Variants in CADPS observed in about 807,000 individuals in gnomAD.
CADPS encodes the protein calcium-dependent secretion activator 1.
In CADPS, 57 loss-of-function variants were observed where a neutral mutation model predicts 167.3. That is an observed-to-expected ratio of 0.34 (90% CI 0.28 to 0.42). CADPS has a LOEUF of 0.42. Ranked by LOEUF, CADPS falls within the 20% of genes least tolerant of loss-of-function variation. CADPS has a pLI of 1.00. For synonymous variants in CADPS, 676 were observed against 635.3 expected, an observed-to-expected ratio of 1.06 and a Z score of -0.96; for missense variants, 1,414 against 1,738.1, an observed-to-expected ratio of 0.81 and a Z score of 3.32.
chr3:62,658,291 G>A (rs1349620429), intron 4 of CADPS, among the ~76,000 whole-genome samples: 1 of 152,132 alleles, frequency 6.6e-6, no homozygotes, highest in Non-Finnish European at 1.5e-5. Context: ...GAATTGCACA[G>A]CCAGTGTCTG....
Position 62,866,444 on chromosome 3 carries a change from G to C in CADPS, c.441+8145C>G, listed in dbSNP as rs112856394. On this transcript the variant is annotated intron_variant, in intron 1 of 29. Transcript: ENST00000383710. ...ATGTCAGGTACTGTTTTGGGAGATG[G>C]GAATCTTACAGTCTAGTGAGTGATA... Among the ~76,000 whole-genome samples, 774 of 152,008 alleles carry C rather than the reference G, an allele frequency of 5.1e-3. 7 individuals carry two copies. Among genetic ancestry groups the C allele is most frequent in the African/African-American group, 0.017 (726 of 41,506 alleles).
At chr3:62,828,254 G>A (rs1392434577) in intron 1 of CADPS, among the ~76,000 whole-genome samples, 1 of 152,168 alleles carries the variant, frequency 6.6e-6, no homozygotes, top group African/African-American at 2.4e-5. Context: ...TCTAAGTCGT[G>A]GAGCCAGGGC....
chr3:62,428,355 A>AAAAGG (rs1423288962), intron 28 of CADPS, among the ~76,000 whole-genome samples: 1 of 143,584 alleles, frequency 7.0e-6, no homozygotes, highest in Non-Finnish European at 1.5e-5. Context: ...TGGAACTATA[A>AAAAGG]AAAGGAAAGG....
intron 28 of CADPS, among the ~76,000 whole-genome samples, chr3:62,434,771 T>C (rs1243612480): frequency 1.3e-5 from 2 of 152,148 alleles, no homozygotes; most frequent in Admixed American, 1.3e-4. Context: ...TGACCAGCTA[T>C]TAATCCAAAT....
rs754951897 is a variant in CADPS at position 62,754,328 on chromosome 3, C to T, written c.556-555G>A. ...CTGGGACTAAGTGCATGCCACCACA[C>T]CTGGCTATTTATTTATTTATTTATT... On this transcript the variant is annotated intron_variant, in intron 2 of 29. Coordinates refer to ENST00000383710, the MANE Select transcript of CADPS (RefSeq NM_003716.4). Among the ~76,000 whole-genome samples the T allele has an allele frequency of 1.1e-4, 17 of 151,900 alleles. 1 individual carries two copies. Among genetic ancestry groups the T allele is most frequent in the Non-Finnish European group, 2.4e-4 (16 of 67,992 alleles).
chr3:62,527,936 G>A (rs1209790445), intron 13 of CADPS, among the ~76,000 whole-genome samples: 1 of 152,152 alleles, frequency 6.6e-6, no homozygotes, highest in Non-Finnish European at 1.5e-5. Flanking sequence ...CTGGTGAAAG[G>A]TTTGGAATGT....
intron 6 of CADPS, among the ~76,000 whole-genome samples, chr3:62,609,439 C>T (rs190545101): frequency 5.6e-4 from 86 of 152,304 alleles, no homozygotes; most frequent in African/African-American, 1.8e-3. Context: ...AGGCTCAGGA[C>T]TTTGGAAAAT....
At chr3:62,575,986 C>T (rs2082188194) in intron 8 of CADPS, among the ~76,000 whole-genome samples, 1 of 152,218 alleles carries the variant, frequency 6.6e-6, no homozygotes, top group South Asian at 2.1e-4. Context: ...TCTGTCTAGT[C>T]AGCTCCGGCT....
chr3:62,642,292 C>T (rs1309454622), intron 6 of CADPS, among the ~76,000 whole-genome samples: 1 of 151,876 alleles, frequency 6.6e-6, no homozygotes, highest in African/African-American at 2.4e-5. Flanking sequence ...CACCAGCTGG[C>T]TGTAAAAATA....
intron 26 of CADPS, among the ~76,000 whole-genome samples, chr3:62,462,734 T>C (rs1347636179): frequency 2.6e-5 from 4 of 152,178 alleles, no homozygotes; most frequent in Non-Finnish European, 5.9e-5. Flanking sequence ...GGTTTCAAGC[T>C]CTTTGCACAA....
At chr3:62,484,315 C>T (rs1315059919) in intron 21 of CADPS, among the ~76,000 whole-genome samples, 1 of 151,992 alleles carries the variant, frequency 6.6e-6, no homozygotes, top group Non-Finnish European at 1.5e-5. Flanking sequence ...TAATTCTAAG[C>T]ATAATATTTT....
At chr3:62,817,171 A>T (rs1306035149) in intron 1 of CADPS, among the ~76,000 whole-genome samples, 1 of 152,124 alleles carries the variant, frequency 6.6e-6, no homozygotes, top group Non-Finnish European at 1.5e-5. Flanking sequence ...GAGCCTTTGT[A>T]AACATCACGA....
At chr3:62,691,973 A>C (rs1213305522) in intron 3 of CADPS, among the ~76,000 whole-genome samples, 2 of 150,828 alleles carry the variant, frequency 1.3e-5, no homozygotes, top group African/African-American at 4.9e-5. Context: ...TTTGATAATA[A>C]TATGGTCTTA....
chr3:62,753,868 G>T lies in CADPS; in HGVS notation c.556-95C>A. 2 of 1,221,396 alleles carry T rather than the reference G, an allele frequency of 1.6e-6. No homozygotes were observed. The highest frequency in any genetic ancestry group is 2.3e-6 in the Non-Finnish European group (2 of 878,454). 75.7% of individuals were successfully genotyped at this position (1,221,396 alleles called of 1,614,324 possible). A position where few individuals can be genotyped will look rare whatever the true frequency, so the allele number is the denominator to read the frequency against. On this transcript the variant is annotated intron_variant, in intron 2 of 29. Transcript: ENST00000383710. The surrounding 1 kb of genome is among the most constrained non-coding windows in gnomAD (Gnocchi z 4.6). Reference sequence around the variant, plus strand: ...GACACTGGGCCAGTCCACCTCACGTGCATCCCAGGAGGAACCACTGTGGGT... The same window carrying T: ...GACACTGGGCCAGTCCACCTCACGTTCATCCCAGGAGGAACCACTGTGGGT...
chr3:62,827,885 A>G (rs762694089), intron 1 of CADPS, among the ~76,000 whole-genome samples: 1 of 152,218 alleles, frequency 6.6e-6, no homozygotes, highest in Non-Finnish European at 1.5e-5. Flanking sequence ...TTTAGGGCTT[A>G]CAAAGCACTT....
At chr3:62,600,553 T>C (rs374230481) in intron 6 of CADPS, among the ~76,000 whole-genome samples, 5 of 152,206 alleles carry the variant, frequency 3.3e-5, no homozygotes, top group South Asian at 2.1e-4. Flanking sequence ...AAGCGCCATA[T>C]TGGCATCAGA....
intron 8 of CADPS, among the ~76,000 whole-genome samples, chr3:62,574,754 G>A (rs1272919514): frequency 2.0e-5 from 3 of 152,188 alleles, no homozygotes; most frequent in South Asian, 2.1e-4. Context: ...TGTAAGACAG[G>A]TCAGTAATGG....
intron 1 of CADPS, among the ~76,000 whole-genome samples, chr3:62,793,911 T>TG (rs1217206036): frequency 6.6e-6 from 1 of 152,174 alleles, no homozygotes; most frequent in Non-Finnish European, 1.5e-5. Context: ...AATTTGTTGT[T>TG]GGGGTCTGTG....
rs72884022 is a variant in CADPS at position 62,871,672 on chromosome 3, G to T, written c.441+2917C>A. ...GGATGGCAATTTGTACATTGTTAGA[G>T]TTAGGAGATTTAAAAAATGATTTAA... is the stretch of plus-strand genomic sequence containing the variant. On this transcript the variant is annotated intron_variant, in intron 1 of 29. Transcript: ENST00000383710. Among the ~76,000 whole-genome samples, 718 of 152,222 alleles carry T rather than the reference G, an allele frequency of 4.7e-3. 4 individuals carry two copies. The highest frequency in any genetic ancestry group is 0.016 in the African/African-American group (671 of 41,548).
Sources: gnomAD v4.1 joint callset for allele counts (sites outside exome capture counted in the v4.1 genomes callset) on GRCh38, gnomAD v4.1.1 for gene constraint, Gnocchi (gnomAD v3.1) non-coding constraint, MANE v1.5 for transcripts, NCBI Gene and HGNC (gene_info 2026-07-23, HGNC 2026-07-21) for gene names.